CLDN16: variants seen among roughly 807,000 people sequenced by gnomAD.
CLDN16 encodes claudin-16.
In CLDN16, 13 loss-of-function variants were observed where a neutral mutation model predicts 24.6. The ratio of observed to expected loss-of-function variants is 0.53; its 90% CI spans 0.34 to 0.84. The LOEUF (loss-of-function observed/expected upper bound fraction) is 0.84. Ranked by LOEUF, CLDN16 falls within the 40% of genes least tolerant of loss-of-function variation. The probability of loss-of-function intolerance (pLI) is 0.01; values close to 1 mark genes in which losing one functional copy is unlikely to be tolerated. For missense variants in CLDN16, 298 were observed against 292.7 expected (o/e 1.02, Z -0.13); for synonymous variants, 116 against 106.7 (o/e 1.09, Z -0.54).
At chr3:190,402,662 T>C (rs1217465634) in intron 2 of CLDN16, among the ~76,000 whole-genome samples, 1 of 152,148 alleles carries the variant, frequency 6.6e-6, no homozygotes, top group Non-Finnish European at 1.5e-5. Flanking sequence ...GGGAAAAATA[T>C]TATCTTATTA....
the CLDN16 span, among the ~76,000 whole-genome samples, chr3:190,299,290 G>A: frequency 2.0e-4 from 31 of 151,760 alleles, 1 homozygote; most frequent in East Asian, 6.0e-3. Flanking sequence ...CCATTTGATT[G>A]TATTTGTTAT....
chr3:190,408,619 G>T lies in CLDN16; in HGVS notation c.574+114G>T, dbSNP rs770379676. Reference sequence around the variant, plus strand: ...TTATTTATTTGAATTCCTACCTATTGCCATTAAAAATTCCAATTGTTCAAG... The same window carrying T: ...TTATTTATTTGAATTCCTACCTATTTCCATTAAAAATTCCAATTGTTCAAG... On this transcript the variant is annotated intron_variant, in intron 4 of 4. Transcript: ENST00000264734. 1.1e-5 allele frequency: 11 copies of T among 991,384 alleles called. No individual in the cohort carries two copies. In the Admixed American group the frequency reaches 2.1e-4, roughly 19 times the overall value. The allele number at this position is 991,384 out of a possible 1,614,324, so 61.4% of individuals were successfully genotyped here.
At chr3:190,349,190 G>C (rs192595860) in intron 1 of CLDN16, among the ~76,000 whole-genome samples, 17 of 152,274 alleles carry the variant, frequency 1.1e-4, no homozygotes, top group Admixed American at 5.2e-4. Flanking sequence ...CCCAGTGTTG[G>C]GGGAGGGACC....
the CLDN16 span, among the ~76,000 whole-genome samples, chr3:190,313,483 C>G: frequency 1.3e-5 from 2 of 152,132 alleles, no homozygotes; most frequent in Admixed American, 1.3e-4. Flanking sequence ...TAGTCACCAG[C>G]TTTACACCCC....
rs1275645982 is a variant in CLDN16, at chr3:190,411,045, G to A, written c.*1009G>A. 3 of 152,304 alleles carry A rather than the reference G, an allele frequency of 2.0e-5. No individual in the cohort carries two copies. The highest frequency in any genetic ancestry group is 1.3e-4 in the Admixed American group (2 of 15,304). 9.4% of individuals were successfully genotyped at this position (152,304 alleles called of 1,614,324 possible). Reference sequence around the variant, plus strand: ...TGGGAGGCCAAGGCGGGTGGATCACGAGGTCAAGAGACGGAGACCATCCTG... The same window carrying A: ...TGGGAGGCCAAGGCGGGTGGATCACAAGGTCAAGAGACGGAGACCATCCTG... On this transcript the variant is annotated 3_prime_UTR_variant, in exon 5 of 5. Coordinates refer to ENST00000264734, the MANE Select transcript of CLDN16 (RefSeq NM_006580.4).
intron 1 of CLDN16, among the ~76,000 whole-genome samples, chr3:190,391,170 T>C (rs1718650119): frequency 6.6e-6 from 1 of 151,046 alleles, no homozygotes; most frequent in Non-Finnish European, 1.5e-5. Context: ...GGAATACCAA[T>C]AGACAATTTA....
rs1417978876 is a variant in CLDN16, at chr3:190,380,240, C to CCCTCCCTTCCTT, written n.306+5640_306+5641insCCCTTCCTTCCT. On this transcript the variant is annotated intron_variant and non_coding_transcript_variant, in intron 3 of 4. Transcript: ENST00000468220. Reference sequence around the variant, plus strand: ...CCTTCCTTCCTTTTCTTCCTTCCCTCCCTTCCTTCCTTCCTTTCTTCCTTC... The same window carrying CCCTCCCTTCCTT: ...CCTTCCTTCCTTTTCTTCCTTCCCTCCCTCCCTTCCTTCCTTCCTTCCTTCCTTTCTTCCTTC... Among the ~76,000 whole-genome samples the CCCTCCCTTCCTT allele has an allele frequency of 4.2e-4, 20 of 47,888 alleles. 3 individuals are homozygous for CCCTCCCTTCCTT. The East Asian group carries it at 8.5e-3, about 20-fold the overall frequency. 31.4% of individuals were successfully genotyped at this position (47,888 alleles called of 152,430 possible).
chr3:190,346,606 G>A (rs1272977171), intron 1 of CLDN16, among the ~76,000 whole-genome samples: 1 of 152,094 alleles, frequency 6.6e-6, no homozygotes, highest in Non-Finnish European at 1.5e-5. Flanking sequence ...CACAAACTAG[G>A]TGGCTTAAAA....
At chr3:190,406,511 A>G (rs1222654656) in intron 3 of CLDN16, among the ~76,000 whole-genome samples, 1 of 152,198 alleles carries the variant, frequency 6.6e-6, no homozygotes, top group Non-Finnish European at 1.5e-5. Context: ...TCACTGAAGA[A>G]AATCCTGATA....
intron 3 of CLDN16, among the ~76,000 whole-genome samples, chr3:190,407,161 ATATTT>A (rs970780635): frequency 2.0e-5 from 3 of 152,108 alleles, no homozygotes; most frequent in Non-Finnish European, 2.9e-5. Context: ...TGGAGACTAC[ATATTT>A]TATTTTATTT....
the CLDN16 span, chr3:190,305,713 T>A: frequency 2.0e-5 from 3 of 152,184 alleles, no homozygotes; most frequent in Non-Finnish European, 4.4e-5. Context: ...ATCCTTTTTT[T>A]AAATTAAAAA....
chr3:190,409,872 T>A, intron 4 of CLDN16, 31 bp from the exon 5 acceptor site: 1 of 1,607,180 alleles, frequency 6.2e-7, no homozygotes, highest in Non-Finnish European at 8.5e-7. Context: ...GTTCACTGAG[T>A]TCTACTTATT....
upstream of CLDN16, chr3:190,321,941 C>T: frequency 6.6e-7 from 1 of 1,513,190 alleles, no homozygotes; most frequent in Non-Finnish European, 9.2e-7. Context: ...TGCAGGGGGA[C>T]TGGGGCCTCT....
upstream of CLDN16, chr3:190,321,944 G>T: frequency 6.5e-7 from 1 of 1,526,962 alleles, no homozygotes; most frequent in Non-Finnish European, 9.1e-7. Flanking sequence ...AGGGGGACTG[G>T]GGCCTCTGGA....
At chr3:190,360,960 A>G (rs1717874332) in intron 1 of CLDN16, among the ~76,000 whole-genome samples, 1 of 151,996 alleles carries the variant, frequency 6.6e-6, no homozygotes, top group South Asian at 2.1e-4. Context: ...ACTCCATAAT[A>G]CGTTGTTATT....
intron 3 of CLDN16, among the ~76,000 whole-genome samples, chr3:190,381,752 C>T (rs1455410395): frequency 6.6e-6 from 1 of 152,040 alleles, no homozygotes; most frequent in African/African-American, 2.4e-5. Flanking sequence ...GCTAACTGGA[C>T]TGGGAAGGTT....
At chr3:190,290,668 G>T in the CLDN16 span, among the ~76,000 whole-genome samples, 17 of 152,140 alleles carry the variant, frequency 1.1e-4, no homozygotes, top group South Asian at 3.1e-3. Flanking sequence ...AAATAGAGGG[G>T]TAATACAACC....
At chr3:190,375,162 G>A (rs1718221134) in intron 3 of CLDN16, among the ~76,000 whole-genome samples, 1 of 151,906 alleles carries the variant, frequency 6.6e-6, no homozygotes, top group African/African-American at 2.4e-5. Context: ...TGCACTTTAG[G>A]AGAAGTGATA....
intron 1 of CLDN16, among the ~76,000 whole-genome samples, chr3:190,346,011 C>T (rs1335890767): frequency 2.0e-5 from 3 of 151,994 alleles, no homozygotes; most frequent in Admixed American, 6.6e-5. Context: ...TTAGGTCTTA[C>T]AGTGTAAGTG....
Sources: gnomAD v4.1 joint callset for allele counts (sites outside exome capture counted in the v4.1 genomes callset) on GRCh38, gnomAD v4.1.1 for gene constraint, MANE v1.5 for transcripts, NCBI Gene and HGNC (gene_info 2026-07-23, HGNC 2026-07-21) for gene names.